Variants in ITGA9 observed in about 807,000 individuals in gnomAD.
ITGA9 encodes integrin alpha-9.
Under a neutral mutation model 127.8 loss-of-function variants are expected in ITGA9, and 56 were observed. The observed-to-expected ratio is 0.44, with a 90% CI of 0.35 to 0.55. ITGA9 has a LOEUF of 0.55. ITGA9 is among the 20% of genes least tolerant of loss of function. The pLI is 0.00. For missense variants in ITGA9, 1,196 were observed against 1,347.1 expected (o/e 0.89, Z 1.76); for synonymous variants, 508 against 514.5 (o/e 0.99, Z 0.17).
intron 16 of ITGA9, among the ~76,000 whole-genome samples, chr3:37,653,122 C>T (rs75709415): frequency 0.03 from 4,510 of 152,312 alleles, 92 homozygotes; most frequent in Non-Finnish European, 0.047. Flanking sequence ...GCACTGTGTC[C>T]CTGTTAACTG....
rs371158349 is a variant in ITGA9 at position 37,784,959 on chromosome 3, G to T, written c.2788-18G>T. Reference sequence around the variant, plus strand: ...TCATAGAAAAATCTTCAAGTAAGTTGTGTTGTTTCTTCCACAGGACAGTTC... The same window carrying T: ...TCATAGAAAAATCTTCAAGTAAGTTTTGTTGTTTCTTCCACAGGACAGTTC... On this transcript the variant is annotated intron_variant, in intron 25 of 27. Transcript: ENST00000264741. 164 of 1,596,072 alleles carry T rather than the reference G, an allele frequency of 1.0e-4. No individual in the cohort carries two copies. Among genetic ancestry groups the T allele is most frequent in the African/African-American group, 2.1e-4 (16 of 74,522 alleles).
chr3:37,549,660 A>T (rs1009264605), intron 15 of ITGA9, among the ~76,000 whole-genome samples: 1 of 152,320 alleles, frequency 6.6e-6, no homozygotes, highest in East Asian at 1.9e-4. Context: ...GATTATAAAG[A>T]TCCCTTCTGC....
intron 15 of ITGA9, among the ~76,000 whole-genome samples, chr3:37,602,945 G>A (rs1027248936): frequency 2.0e-5 from 3 of 152,174 alleles, no homozygotes; most frequent in Admixed American, 2.0e-4. Context: ...ACCCTCTAAT[G>A]TTCTGTGAGG....
chr3:37,690,216 G>A (rs949930278), intron 18 of ITGA9, among the ~76,000 whole-genome samples: 2 of 152,176 alleles, frequency 1.3e-5, no homozygotes, highest in African/African-American at 2.4e-5. Flanking sequence ...ACCTAGGTTG[G>A]AGCAGGGATG....
At chr3:37,699,381 G>T (rs1377136945) in intron 18 of ITGA9, among the ~76,000 whole-genome samples, 1 of 152,090 alleles carries the variant, frequency 6.6e-6, no homozygotes, top group Non-Finnish European at 1.5e-5. Context: ...TCCATTTGTA[G>T]GAAACAGTAA....
rs572396146 is a variant in ITGA9 at position 37,819,446 on chromosome 3, A to C, written c.*457A>C. 1.9e-4 allele frequency: 31 copies of C among 160,188 alleles called. No homozygotes were observed. The South Asian group carries it at 5.1e-3, about 26-fold the overall frequency. 9.9% of individuals were successfully genotyped at this position (160,188 alleles called of 1,614,324 possible). ...TACATGTCCATGAATACAAATTTTA[A>C]AGGATGAAAATCTTACCGTACTTTG... On this transcript the variant is annotated 3_prime_UTR_variant, in exon 28 of 28. Coordinates refer to ENST00000264741, the MANE Select transcript of ITGA9 (RefSeq NM_002207.3).
intron 24 of ITGA9, among the ~76,000 whole-genome samples, chr3:37,779,090 A>G (rs1038139932): frequency 3.3e-5 from 5 of 152,002 alleles, no homozygotes; most frequent in Admixed American, 3.3e-4. Flanking sequence ...TTTGGGATTT[A>G]TGTTTTTGGT....
intron 23 of ITGA9, among the ~76,000 whole-genome samples, chr3:37,777,182 G>A (rs1696917951): frequency 6.6e-6 from 1 of 152,028 alleles, no homozygotes; most frequent in African/African-American, 2.4e-5. Context: ...CAATTATTGG[G>A]GGACCTAAGA....
In ITGA9 at chr3:37,584,124, C is replaced by T. The variant is rs75123851; in HGVS notation, c.1689+41539C>T. On this transcript the variant is annotated intron_variant, in intron 15 of 27. Coordinates refer to ENST00000264741, the MANE Select transcript of ITGA9 (RefSeq NM_002207.3). Reference sequence around the variant, plus strand: ...ACACATCAAGAAGCATTTATGTTCTCATGGATCTGTGGGATGGTTGGACAG... The same window carrying T: ...ACACATCAAGAAGCATTTATGTTCTTATGGATCTGTGGGATGGTTGGACAG... Among the ~76,000 whole-genome samples, 812 of 152,334 alleles carry T rather than the reference C, an allele frequency of 5.3e-3. 11 individuals carry two copies. The highest frequency in any genetic ancestry group is 0.019 in the African/African-American group (778 of 41,574).
At chr3:37,457,883 G>A (rs1391516713) in intron 1 of ITGA9, among the ~76,000 whole-genome samples, 1 of 152,204 alleles carries the variant, frequency 6.6e-6, no homozygotes, top group African/African-American at 2.4e-5. Context: ...GTCTCAACCA[G>A]TCATTAACGG....
chr3:37,515,597 C>T (rs980673671), intron 9 of ITGA9, among the ~76,000 whole-genome samples: 1 of 152,130 alleles, frequency 6.6e-6, no homozygotes, highest in Admixed American at 6.5e-5. Flanking sequence ...AAAAAATTAG[C>T]CTGGTGTGGT....
intron 4 of ITGA9, among the ~76,000 whole-genome samples, chr3:37,490,810 A>C (rs562447113): frequency 6.6e-6 from 1 of 152,298 alleles, no homozygotes; most frequent in Admixed American, 6.5e-5. Context: ...TTTAGAATGG[A>C]GGAGCCATAC....
At chr3:37,720,697 G>A (rs1052634165) in intron 18 of ITGA9, among the ~76,000 whole-genome samples, 13 of 152,272 alleles carry the variant, frequency 8.5e-5, no homozygotes, top group East Asian at 7.7e-4. Context: ...TTTCTGTTAC[G>A]ACTGGTTGAC....
intron 17 of ITGA9, among the ~76,000 whole-genome samples, chr3:37,660,514 T>C (rs1284789910): frequency 9.2e-5 from 14 of 152,208 alleles, no homozygotes; most frequent in Admixed American, 9.2e-4. Context: ...AGGCTCAGTA[T>C]AGCACCTGGT....
intron 11 of ITGA9, among the ~76,000 whole-genome samples, chr3:37,520,827 G>A (rs969778381): frequency 6.6e-6 from 1 of 152,204 alleles, no homozygotes; most frequent in African/African-American, 2.4e-5. Flanking sequence ...TGCTCGGGCA[G>A]CGGTCAGGGT....
At chr3:37,553,172 G>A (rs1270283150) in intron 15 of ITGA9, among the ~76,000 whole-genome samples, 1 of 152,146 alleles carries the variant, frequency 6.6e-6, no homozygotes, top group Non-Finnish European at 1.5e-5. Context: ...CTGTTTGAGA[G>A]TAAGTCGGAG....
chr3:37,662,757 G>A (rs112591143), intron 17 of ITGA9, among the ~76,000 whole-genome samples: 45 of 152,284 alleles, frequency 3.0e-4, no homozygotes, highest in African/African-American at 1.0e-3. Context: ...CCTGTTAGCC[G>A]TGACCTTACT....
rs370403834 is a variant in ITGA9, at chr3:37,653,664, C to T, written c.1840-50C>T. The T allele has an allele frequency of 7.7e-5, 101 of 1,315,502 alleles. No individual in the cohort carries two copies. In the African/African-American group the frequency reaches 9.6e-4, roughly 13 times the overall value. 81.5% of individuals were successfully genotyped at this position (1,315,502 alleles called of 1,614,324 possible). ...AGAAAGGAATTGGCCACTGTGTACT[C>T]GTTTGCCACTCAATCCTGCCCTAAC... On this transcript the variant is annotated intron_variant, in intron 16 of 27. Coordinates refer to ENST00000264741, the MANE Select transcript of ITGA9 (RefSeq NM_002207.3).
chr3:37,506,141 G>A, intron 7 of ITGA9, 56 bp downstream of exon 7: 4 of 1,296,406 alleles, frequency 3.1e-6, no homozygotes, highest in Non-Finnish European at 4.4e-6. Flanking sequence ...GGAGCATGCT[G>A]TCCCTGGTGC....
Sources: allele counts gnomAD v4.1 joint callset (sites outside exome capture counted in the v4.1 genomes callset), GRCh38; gene constraint gnomAD v4.1.1; transcripts MANE v1.5; gene names NCBI Gene and HGNC (gene_info 2026-07-23, HGNC 2026-07-21).